The following MIDEAS variants were observed in gnomAD, a reference collection of about 807,000 sequenced individuals.
MIDEAS encodes mitotic deacetylase-associated SANT domain protein.
A neutral mutation model predicts 102.7 loss-of-function variants in MIDEAS; 26 were observed. The ratio of observed to expected loss-of-function variants is 0.25; its 90% CI spans 0.19 to 0.35. The LOEUF (loss-of-function observed/expected upper bound fraction) is 0.35, where lower values mean the gene tolerates loss of function less well. Ranked by LOEUF, MIDEAS falls within the 10% of genes least tolerant of loss-of-function variation. The pLI, the probability that MIDEAS is intolerant of heterozygous loss-of-function variation, is 1.00. For synonymous variants in MIDEAS, 585 were observed against 591.0 expected, an observed-to-expected ratio of 0.99 and a Z score of 0.15; for missense variants, 1,231 against 1,435.6, an observed-to-expected ratio of 0.86 and a Z score of 2.30.
upstream of MIDEAS, chr14:73,790,248 T>C (rs1336710034): frequency 1.3e-5 from 2 of 152,222 alleles, no homozygotes; most frequent in Non-Finnish European, 2.9e-5. Context: ...GCAGGAGAGA[T>C]GTCATACTCC....
intron 1 of MIDEAS, among the ~76,000 whole-genome samples, chr14:73,784,807 C>G (rs1185315237): frequency 6.6e-6 from 1 of 152,238 alleles, no homozygotes. Context: ...GCAACTGTAA[C>G]CATACATGCC....
At chr14:73,745,278 C>G (rs1185817320) in intron 1 of MIDEAS, among the ~76,000 whole-genome samples, 2 of 152,242 alleles carry the variant, frequency 1.3e-5, no homozygotes, top group African/African-American at 4.8e-5. Flanking sequence ...CACAAGCCAC[C>G]TGCCCTTGAC....
In MIDEAS at chr14:73,738,854, C is replaced by A. The variant is rs375596571; in HGVS notation, c.1155G>T (p.Pro385=). ...GGGGCTGCCCCAGGGAGCCAGGTGGCGGCTGCTGCAGGGGCCAGTGATGTA... is the reference window on the plus strand; with the variant it reads ...GGGGCTGCCCCAGGGAGCCAGGTGGAGGCTGCTGCAGGGGCCAGTGATGTA... The part of the protein sequence containing the change: ...LFLHHWPLQQ[P]PPGSLGQPHP... Residue 385 remains proline, a synonymous_variant, in exon 2 of 13, where the codon CCG becomes CCT. Coordinates refer to ENST00000423556, the MANE Select transcript of MIDEAS (RefSeq NM_001367710.1). 515 of 1,570,832 alleles carry A rather than the reference C, an allele frequency of 3.3e-4. No homozygotes were observed. The highest frequency in any genetic ancestry group is 4.0e-4 in the Non-Finnish European group (458 of 1,158,456).
intron 1 of MIDEAS, among the ~76,000 whole-genome samples, chr14:73,746,818 G>A (rs1379584686): frequency 6.6e-6 from 1 of 152,222 alleles, no homozygotes; most frequent in Non-Finnish European, 1.5e-5. Context: ...AGGTGGGCCT[G>A]CTGACCCTTC....
chr14:73,743,249 C>T (rs1005049749), intron 1 of MIDEAS, among the ~76,000 whole-genome samples: 3 of 152,196 alleles, frequency 2.0e-5, no homozygotes, highest in African/African-American at 4.8e-5. Flanking sequence ...CTCATTGGCA[C>T]TGGGAAGCCC....
In MIDEAS at chr14:73,740,086, C is replaced by T. The variant is rs2053264850; in HGVS notation, c.-78G>A. On this transcript the variant is annotated 5_prime_UTR_variant, in exon 2 of 13. Transcript: ENST00000423556. ...CCCTGGGGAAACGTCCTGCTGGAAG[C>T]CGGGCTCTAGTCCAGGAGCCAGGGA... The T allele has an allele frequency of 7.1e-7, 1 of 1,409,340 alleles. No homozygotes were observed. Among genetic ancestry groups the T allele is most frequent in the East Asian group, 2.5e-5 (1 of 39,444 alleles). 87.3% of individuals were successfully genotyped at this position (1,409,340 alleles called of 1,614,324 possible). A position where few individuals can be genotyped will look rare whatever the true frequency, so the allele number is the denominator to read the frequency against.
chr14:73,785,841 T>C lies in MIDEAS; in HGVS notation c.-248+1261A>G, dbSNP rs1449886623. Among the ~76,000 whole-genome samples, 3 of 152,136 alleles carry C rather than the reference T, an allele frequency of 2.0e-5. No homozygotes were observed. The East Asian group carries it at 5.8e-4, about 29-fold the overall frequency. On this transcript the variant is annotated intron_variant, in intron 1 of 11. Transcript: ENST00000394071. ...CCCCACATCTCAGGCTTTGGACAAG[T>C]CGTCAAAAGTGAGAGGGAGGTAATG...
At chr14:73,774,356 C>T (rs936099817) in intron 1 of MIDEAS, among the ~76,000 whole-genome samples, 1 of 151,900 alleles carries the variant, frequency 6.6e-6, no homozygotes, top group African/African-American at 2.4e-5. Context: ...ACAGGAAGTG[C>T]CACAGCCTGT....
chr14:73,772,737 CAA>C (rs1328336686), intron 1 of MIDEAS, among the ~76,000 whole-genome samples: 2 of 151,006 alleles, frequency 1.3e-5, no homozygotes, highest in African/African-American at 4.9e-5. Context: ...CTTAAATTCT[CAA>C]GAGCAATACT....
intron 1 of MIDEAS, among the ~76,000 whole-genome samples, chr14:73,777,475 AC>A (rs2140174726): frequency 6.6e-6 from 1 of 151,824 alleles, no homozygotes; most frequent in African/African-American, 2.4e-5. Context: ...CTACCTGCAC[AC>A]GGGCTCCTCT....
chr14:73,778,328 A>G (rs1461827481), intron 1 of MIDEAS, among the ~76,000 whole-genome samples: 1 of 150,508 alleles, frequency 6.6e-6, no homozygotes, highest in Non-Finnish European at 1.5e-5. Context: ...GCGCCACTGC[A>G]CTCCAGCCTG....
chr14:73,724,853 G>A (rs527712414), intron 9 of MIDEAS: 126 of 178,268 alleles, frequency 7.1e-4, no homozygotes, highest in Non-Finnish European at 1.3e-3. Context: ...CTGGGTCAAA[G>A]GAAGTGGGCA....
rs751281555 is a variant in MIDEAS at position 73,719,459 on chromosome 14, G to T, written c.2980C>A (p.Pro994Thr). 1.5e-5 allele frequency: 25 copies of T among 1,613,902 alleles called. No homozygotes were observed. The highest frequency in any genetic ancestry group is 2.1e-5 in the Non-Finnish European group (25 of 1,180,006). Residue 994 changes from proline to threonine, a missense_variant, in exon 12 of 13, where the codon CCT becomes ACT. Coordinates refer to ENST00000423556, the MANE Select transcript of MIDEAS (RefSeq NM_001367710.1). ...LILRSHESNA[P>T]GSAGGQASEK... The stretch of plus-strand genomic sequence containing the variant: ...GAGGCCTGGCCACCGGCAGACCCAG[G>T]GGCGTTGGACTCGTGGCTCCGGAGG...
intron 3 of MIDEAS, among the ~76,000 whole-genome samples, chr14:73,734,685 C>G (rs912370214): frequency 6.6e-6 from 1 of 151,904 alleles, no homozygotes; most frequent in African/African-American, 2.4e-5. Flanking sequence ...CCTGCCTTGG[C>G]CCCCCCAAAG....
At chr14:73,737,338 T>C (rs1183312026) in intron 2 of MIDEAS, 41 bp from the exon 3 acceptor site, 4 of 1,580,992 alleles carry the variant, frequency 2.5e-6, no homozygotes, top group Non-Finnish European at 3.5e-6. Context: ...AAAAGGTAAG[T>C]CATAGCCAGG....
At chr14:73,720,160 G>A (rs115062338) in intron 11 of MIDEAS, among the ~76,000 whole-genome samples, 232 of 152,126 alleles carry the variant, frequency 1.5e-3, no homozygotes, top group African/African-American at 5.5e-3. Flanking sequence ...AGGTGGTCGA[G>A]GCTCAGAAGT....
chr14:73,763,238 T>G (rs2053567752), upstream of MIDEAS, among the ~76,000 whole-genome samples: 1 of 152,154 alleles, frequency 6.6e-6, no homozygotes, highest in Non-Finnish European at 1.5e-5. Context: ...CTCAAGAGGC[T>G]GAGGTAGGAG....
intron 1 of MIDEAS, among the ~76,000 whole-genome samples, chr14:73,772,501 T>C (rs2053650456): frequency 6.6e-6 from 1 of 152,214 alleles, no homozygotes; most frequent in Non-Finnish European, 1.5e-5. Flanking sequence ...CATATTAAGA[T>C]AACAGTGACA....
Position 73,739,475 on chromosome 14 carries a change from A to G in MIDEAS, c.534T>C (p.Tyr178=). 3.1e-6 allele frequency: 5 copies of G among 1,608,950 alleles called. No individual in the cohort carries two copies. Among genetic ancestry groups the G allele is most frequent in the Middle Eastern group, 1.7e-4 (1 of 6,038 alleles). Residue 178 remains tyrosine (Y), a synonymous_variant, in exon 2 of 13, where the codon TAT becomes TAC. Transcript: ENST00000423556. ...CCTTCTGTGGCATCATTGGTCGCAC[A>G]TAGCGGTCCAGCTGTGGGCCCCCCG... The part of the protein sequence containing the change: ...EKAGGPQLDR[Y]VRPMMPQKVQ...
Sources: gnomAD v4.1 joint callset for allele counts (sites outside exome capture counted in the v4.1 genomes callset) on GRCh38, gnomAD v4.1.1 for gene constraint, MANE v1.5 for transcripts, NCBI Gene and HGNC (gene_info 2026-07-23, HGNC 2026-07-21) for gene names.